The following CFAP90 variants were observed in gnomAD, a reference collection of about 807,000 sequenced individuals.
The protein encoded by CFAP90 is cilia and flagella associated protein 90.
chr5:7,834,547 A>G, the CFAP90 span, among the ~76,000 whole-genome samples: 3 of 152,174 alleles, frequency 2.0e-5, no homozygotes, highest in Non-Finnish European at 2.9e-5. Flanking sequence ...GGTAGTGTAC[A>G]GTAATGTCCT....
the CFAP90 span, among the ~76,000 whole-genome samples, chr5:7,836,866 A>G: frequency 6.6e-6 from 1 of 152,070 alleles, no homozygotes; most frequent in African/African-American, 2.4e-5. Context: ...GACAAGATTG[A>G]GAGACAAGAA....
At chr5:7,849,768 T>C in the CFAP90 span, among the ~76,000 whole-genome samples, 3 of 152,190 alleles carry the variant, frequency 2.0e-5, no homozygotes, top group Non-Finnish European at 4.4e-5. Context: ...AGTCCAGCCC[T>C]CCCTGCAGGC....
the CFAP90 span, among the ~76,000 whole-genome samples, chr5:7,839,946 C>A: frequency 6.6e-6 from 1 of 152,086 alleles, no homozygotes; most frequent in Non-Finnish European, 1.5e-5. Flanking sequence ...TCTGTCTTTT[C>A]CCAGGATTTT....
the CFAP90 span, among the ~76,000 whole-genome samples, chr5:7,836,520 A>T: frequency 6.6e-6 from 1 of 152,336 alleles, no homozygotes; most frequent in South Asian, 2.1e-4. Flanking sequence ...CATGGGCTAC[A>T]GATGCTTGTA....
At chr5:7,833,593 A>C in the CFAP90 span, among the ~76,000 whole-genome samples, 1 of 152,166 alleles carries the variant, frequency 6.6e-6, no homozygotes, top group Admixed American at 6.5e-5. Context: ...TGTACAACAT[A>C]TACAAATATA....
At chr5:7,833,928 C>T in the CFAP90 span, among the ~76,000 whole-genome samples, 18 of 152,218 alleles carry the variant, frequency 1.2e-4, no homozygotes, top group Admixed American at 6.5e-5. Context: ...ACCTACTGTG[C>T]GGCCAGTCAT....
the CFAP90 span, among the ~76,000 whole-genome samples, chr5:7,849,925 C>A: frequency 6.6e-6 from 1 of 152,128 alleles, no homozygotes; most frequent in Admixed American, 6.5e-5. Context: ...GAGGGAGCCG[C>A]GCCCAGCCCG....
At chr5:7,844,919 C>T in the CFAP90 span, among the ~76,000 whole-genome samples, 1 of 152,174 alleles carries the variant, frequency 6.6e-6, no homozygotes, top group African/African-American at 2.4e-5. Context: ...CCCTTTGTGC[C>T]TCTGGACAGT....
At chr5:7,835,498 T>C in the CFAP90 span, 1 of 1,515,018 alleles carries the variant, frequency 6.6e-7, no homozygotes, top group Non-Finnish European at 9.0e-7. Context: ...ATAATTCCTG[T>C]CTAGGAAAAA....
At chr5:7,849,660 G>A in the CFAP90 span, among the ~76,000 whole-genome samples, 231 of 152,302 alleles carry the variant, frequency 1.5e-3, 1 homozygote, top group Middle Eastern at 3.4e-3. Context: ...CCGCTGGTGG[G>A]AGATGCAGGG....
At chr5:7,845,687 T>C in the CFAP90 span, among the ~76,000 whole-genome samples, 1 of 152,178 alleles carries the variant, frequency 6.6e-6, no homozygotes, top group Non-Finnish European at 1.5e-5. Flanking sequence ...AAGAACACCG[T>C]TGAACGGAAT....
At chr5:7,850,208 C>T in the CFAP90 span, among the ~76,000 whole-genome samples, 1 of 152,004 alleles carries the variant, frequency 6.6e-6, no homozygotes, top group Non-Finnish European at 1.5e-5. Flanking sequence ...CTCTTTGGGG[C>T]CCAGGCGCCT....
At chr5:7,831,877 G>T in the CFAP90 span, 1 of 1,613,596 alleles carries the variant, frequency 6.2e-7, no homozygotes, top group Non-Finnish European at 8.5e-7. Flanking sequence ...GCCCAAAGCC[G>T]GGTTCCTTGA....
At chr5:7,839,645 A>G in the CFAP90 span, among the ~76,000 whole-genome samples, 523 of 152,346 alleles carry the variant, frequency 3.4e-3, 2 homozygotes, top group Non-Finnish European at 5.8e-3. Context: ...GAAACACTAT[A>G]AAAGTAACCA....
the CFAP90 span, among the ~76,000 whole-genome samples, chr5:7,835,727 G>T: frequency 6.6e-6 from 1 of 152,142 alleles, no homozygotes; most frequent in Non-Finnish European, 1.5e-5. Context: ...TATGAAGCAG[G>T]GACATTTTCA....
the CFAP90 span, among the ~76,000 whole-genome samples, chr5:7,832,850 T>C: frequency 6.6e-6 from 1 of 152,222 alleles, no homozygotes; most frequent in Non-Finnish European, 1.5e-5. Context: ...GGCTTTTTTC[T>C]GAAAAACTAC....
the CFAP90 span, among the ~76,000 whole-genome samples, chr5:7,833,609 C>A: frequency 6.6e-6 from 1 of 152,010 alleles, no homozygotes; most frequent in Admixed American, 6.6e-5. Context: ...ATATACATAT[C>A]TGTACATACA....
chr5:7,846,474 G>A, the CFAP90 span, among the ~76,000 whole-genome samples: 3 of 152,168 alleles, frequency 2.0e-5, no homozygotes, highest in East Asian at 1.9e-4. Context: ...TACATGACAC[G>A]TTCTCATTGT....
At chr5:7,833,947 T>G in the CFAP90 span, among the ~76,000 whole-genome samples, 5 of 152,246 alleles carry the variant, frequency 3.3e-5, no homozygotes, top group Admixed American at 3.3e-4. Context: ...ATATAAAACA[T>G]AGTACATACA....
Sources: gnomAD v4.1 joint callset for allele counts (sites outside exome capture counted in the v4.1 genomes callset) on GRCh38, gnomAD v4.1.1 for gene constraint, MANE v1.5 for transcripts, NCBI Gene and HGNC (gene_info 2026-07-23, HGNC 2026-07-21) for gene names.